The following ACAD11 variants were observed in gnomAD, a reference collection of about 807,000 sequenced individuals.
ACAD11 encodes acyl-Coenzyme A dehydrogenase family, member 11.
In ACAD11, 83 loss-of-function variants were observed where a neutral mutation model predicts 102.2. The ratio of observed to expected loss-of-function variants is 0.81; its 90% CI spans 0.68 to 0.97. ACAD11 has a LOEUF of 0.97. Among genes scored for constraint, ACAD11 ranks in the 50% least tolerant of loss-of-function variants. ACAD11 has a pLI of 0.00. For synonymous variants in ACAD11, 324 were observed against 319.8 expected, an observed-to-expected ratio of 1.01 and a Z score of -0.14; for missense variants, 901 against 951.7, an observed-to-expected ratio of 0.95 and a Z score of 0.70.
chr3:132,600,316 C>A, intron 13 of ACAD11: 1 of 1,295,484 alleles, frequency 7.7e-7, no homozygotes, highest in Non-Finnish European at 1.0e-6. Flanking sequence ...AAGAACAAAA[C>A]AGCTTGATAA....
chr3:132,590,849 G>A (rs1938044664), intron 13 of ACAD11, among the ~76,000 whole-genome samples: 1 of 152,084 alleles, frequency 6.6e-6, no homozygotes, highest in African/African-American at 2.4e-5. Flanking sequence ...ACTTTTTAAT[G>A]AGATTGTTTT....
In ACAD11 at chr3:132,641,993, A is replaced by T. The variant is rs151242550; in HGVS notation, c.516T>A (p.Gly172=). Residue 172 remains glycine, a synonymous_variant, in exon 4 of 20, where the codon GGT becomes GGA. Coordinates refer to ENST00000264990, the MANE Select transcript of ACAD11 (RefSeq NM_032169.5). ...TTACCTGTCTTTTGCAGTACCCAGCACCTATACCATATCCTTCCAGCTGCA... is the reference window on the plus strand; with the variant it reads ...TTACCTGTCTTTTGCAGTACCCAGCTCCTATACCATATCCTTCCAGCTGCA... ...QSLQLEGYGI[G]AGYCKRQVST... 37 of 1,613,390 alleles carry T rather than the reference A, an allele frequency of 2.3e-5. No individual in the cohort carries two copies. The African/African-American group carries it at 4.4e-4, about 19-fold the overall frequency.
intron 1 of ACAD11, chr3:132,647,085 G>A (rs1259051220): frequency 3.3e-5 from 5 of 152,058 alleles, no homozygotes; most frequent in South Asian, 2.1e-4. Context: ...TAAATGTTAC[G>A]TTACATGAAT....
chr3:132,600,517 A>C (rs61748105), intron 13 of ACAD11: 93,003 of 1,613,826 alleles, frequency 0.058, 2,875 homozygotes, highest in Non-Finnish European at 0.062. Flanking sequence ...GAGAATTTGC[A>C]AAAGTTTTCC....
rs1305457526 is a variant in ACAD11, at chr3:132,576,930, C to G, written c.1846+14G>C. The stretch of plus-strand genomic sequence containing the variant: ...ATGTACAATACTGAAGAATCATTTC[C>G]AAATTCAACTCACCTAGTATTAGAT... On this transcript the variant is annotated intron_variant, in intron 16 of 19. Transcript: ENST00000264990. The G allele has an allele frequency of 6.3e-7, 1 of 1,580,308 alleles. No homozygotes were observed. The highest frequency in any genetic ancestry group is 2.2e-5 in the East Asian group (1 of 44,628).
At chr3:132,647,825 G>A (rs1191013670) in intron 1 of ACAD11, among the ~76,000 whole-genome samples, 1 of 151,950 alleles carries the variant, frequency 6.6e-6, no homozygotes, top group Non-Finnish European at 1.5e-5. Context: ...CACATTTTTG[G>A]GGCCTGGGAA....
intron 5 of ACAD11, among the ~76,000 whole-genome samples, chr3:132,638,213 A>AT (rs925625588): frequency 9.3e-5 from 14 of 150,486 alleles, no homozygotes; most frequent in African/African-American, 2.9e-4. Context: ...GCAACTCAGA[A>AT]TTTTTTTTTT....
Position 132,561,229 on chromosome 3 carries a change from GA to G in ACAD11, c.2002-13del. 6.2e-7 allele frequency: 1 copy of G among 1,604,092 alleles called. No homozygotes were observed. Among genetic ancestry groups the G allele is most frequent in the Non-Finnish European group, 8.5e-7 (1 of 1,171,442 alleles). On this transcript the variant is annotated splice_polypyrimidine_tract_variant and intron_variant, in intron 17 of 19. Coordinates refer to ENST00000264990, the MANE Select transcript of ACAD11 (RefSeq NM_032169.5). The stretch of plus-strand genomic sequence containing the variant: ...TGAGCCACAACCTCCTATAGGGGAG[GA>G]AAAGGCAGCAAAAGAAGGAGGAGCT...
At chr3:132,593,399 C>T (rs970526607) in intron 13 of ACAD11, among the ~76,000 whole-genome samples, 11 of 152,106 alleles carry the variant, frequency 7.2e-5, no homozygotes, top group Admixed American at 5.2e-4. Context: ...ATCAAATAAA[C>T]GTGGAGTACA....
chr3:132,618,831 A>T, intron 10 of ACAD11, 59 bp from the exon 11 acceptor site: 1 of 1,424,408 alleles, frequency 7.0e-7, no homozygotes. Context: ...ACAGTAGTTT[A>T]TTTCTTTTTT....
At position 132,643,567 on chromosome 3, in the gene ACAD11, GAGGGGA is replaced by G. The variant is rs561782366; in HGVS notation, c.250-771_250-766del. Among the ~76,000 whole-genome samples, 255 of 152,288 alleles carry G rather than the reference GAGGGGA, an allele frequency of 1.7e-3. 2 individuals carry two copies. Among genetic ancestry groups the G allele is most frequent in the Non-Finnish European group, 3.0e-3 (207 of 68,030 alleles). On this transcript the variant is annotated intron_variant, in intron 2 of 19. Transcript: ENST00000264990. ...GGCAATGGTGACTGACCATTCTAAG[GAGGGGA>G]AGCTATGCAGCTCATTTTGACATCA...
intron 13 of ACAD11, among the ~76,000 whole-genome samples, chr3:132,588,346 C>T (rs1937937121): frequency 6.6e-6 from 1 of 152,144 alleles, no homozygotes; most frequent in African/African-American, 2.4e-5. Flanking sequence ...TGCCAAAAAT[C>T]AGGTCTTCAC....
At chr3:132,654,554 C>T (rs752287654) in intron 1 of ACAD11, 4 of 152,130 alleles carry the variant, frequency 2.6e-5, no homozygotes, top group South Asian at 2.1e-4. Flanking sequence ...TGTGGAGAGC[C>T]GTAAAAGCCA....
At chr3:132,608,125 C>T (rs975383768) in intron 11 of ACAD11, among the ~76,000 whole-genome samples, 1 of 152,126 alleles carries the variant, frequency 6.6e-6, no homozygotes, top group Non-Finnish European at 1.5e-5. Flanking sequence ...CTGAAGGAGG[C>T]ACTAAACATG....
intron 17 of ACAD11, 26 bp from the exon 18 acceptor site, chr3:132,561,243 AG>A: frequency 6.4e-7 from 1 of 1,569,850 alleles, no homozygotes; most frequent in Non-Finnish European, 8.8e-7. Flanking sequence ...AGGCAGCAAA[AG>A]AAGGAGGAGC....
chr3:132,561,283 C>T (rs1275866294), intron 17 of ACAD11, 66 bp from the exon 18 acceptor site: 1 of 1,169,618 alleles, frequency 8.5e-7, no homozygotes, highest in Non-Finnish European at 1.3e-6. Context: ...CCACGTGTAA[C>T]ACAGTCTTAT....
chr3:132,584,530 C>G (rs1937715172), intron 13 of ACAD11, among the ~76,000 whole-genome samples: 1 of 152,110 alleles, frequency 6.6e-6, no homozygotes, highest in Non-Finnish European at 1.5e-5. Flanking sequence ...CAGTCTGTGT[C>G]TTTCAATTGG....
chr3:132,561,580 C>T (rs572140153), intron 17 of ACAD11, among the ~76,000 whole-genome samples: 321 of 152,312 alleles, frequency 2.1e-3, no homozygotes, highest in Non-Finnish European at 3.9e-3. Context: ...GTCATGGAAA[C>T]TTGGCTAAAT....
In ACAD11 at chr3:132,642,796, T is replaced by C. The variant is rs569706130; in HGVS notation, c.256A>G (p.Arg86Gly). The C allele has an allele frequency of 1.4e-5, 22 of 1,609,794 alleles. No individual in the cohort carries two copies. Among genetic ancestry groups the C allele is most frequent in the African/African-American group, 2.7e-5 (2 of 74,790 alleles). The change falls in exon 3 of 20, where the codon AGA (arginine) becomes GGA (glycine). Residue 86 changes from arginine to glycine, a missense_variant. Transcript: ENST00000264990. ...SLLPKAHQID[R>G]EFKVQKALFS... ...AAGGCTTTCTGGACTTTAAATTCTCTATCAATCTAAATAGGATGATGAATC... is the reference window on the plus strand; with the variant it reads ...AAGGCTTTCTGGACTTTAAATTCTCCATCAATCTAAATAGGATGATGAATC...
Sources: allele counts gnomAD v4.1 joint callset (sites outside exome capture counted in the v4.1 genomes callset), GRCh38; gene constraint gnomAD v4.1.1; transcripts MANE v1.5; gene names NCBI Gene and HGNC (gene_info 2026-07-23, HGNC 2026-07-21).